LGMN: variants seen among roughly 807,000 people sequenced by gnomAD.
The protein encoded by LGMN is asparaginyl endopeptidase.
Under a neutral mutation model 56.8 loss-of-function variants are expected in LGMN, and 36 were observed. That is an observed-to-expected ratio of 0.63 (90% CI 0.49 to 0.84). The LOEUF (loss-of-function observed/expected upper bound fraction) is 0.84. Among genes scored for constraint, LGMN ranks in the 40% least tolerant of loss-of-function variants. The pLI is 0.00. For missense variants in LGMN, 446 were observed against 556.1 expected (o/e 0.80, Z 1.99); for synonymous variants, 199 against 210.1 (o/e 0.95, Z 0.46).
intron 2 of LGMN, 45 bp downstream of exon 2, chr14:92,732,604 G>T: frequency 6.3e-7 from 1 of 1,597,448 alleles, no homozygotes; most frequent in South Asian, 1.1e-5. Context: ...ATTGTTTTCA[G>T]AATGCCAGTG....
At chr14:92,728,661 A>G (rs1409829886) in intron 2 of LGMN, among the ~76,000 whole-genome samples, 1 of 152,204 alleles carries the variant, frequency 6.6e-6, no homozygotes. Context: ...TTTTAATACA[A>G]AAAAAGGAAA....
intron 11 of LGMN, among the ~76,000 whole-genome samples, chr14:92,708,248 T>C (rs185796594): frequency 1.2e-3 from 175 of 151,974 alleles, no homozygotes; most frequent in African/African-American, 3.9e-3. Context: ...GCAATAAATA[T>C]CAATAGACAT....
At chr14:92,721,203 A>C (rs1351308014) in intron 2 of LGMN, among the ~76,000 whole-genome samples, 1 of 152,214 alleles carries the variant, frequency 6.6e-6, no homozygotes, top group Non-Finnish European at 1.5e-5. Context: ...AGTGGGCCTA[A>C]TGTAATCACA....
rs775800345 is a variant in LGMN at position 92,713,840 on chromosome 14, G to A, written c.526C>T (p.His176Tyr). Reference protein sequence around the residue: ...LNETIHYMYKHKMYRKMVFYI... With the variant: ...LNETIHYMYKYKMYRKMVFYI... ...TGAATTACCTTTCGGTACATTTTGT[G>A]TTTGTACATGTAATGGATGGTCTCA... is the stretch of plus-strand genomic sequence containing the variant. Residue 176 changes from histidine to tyrosine, a missense_variant, in exon 7 of 14, where the codon CAC (histidine) becomes TAC (tyrosine). His to Tyr is a moderately conservative substitution (Grantham distance 83). Coordinates refer to ENST00000334869, the MANE Select transcript of LGMN (RefSeq NM_005606.7). The A allele has an allele frequency of 1.9e-6, 3 of 1,613,282 alleles. No homozygotes were observed. Among genetic ancestry groups the A allele is most frequent in the South Asian group, 2.2e-5 (2 of 91,068 alleles).
At chr14:92,724,128 TA>T (rs1439243771) in intron 2 of LGMN, among the ~76,000 whole-genome samples, 1 of 152,258 alleles carries the variant, frequency 6.6e-6, no homozygotes, top group African/African-American at 2.4e-5. Flanking sequence ...TGAATTAGAT[TA>T]ATTAAACTCA....
intron 12 of LGMN, among the ~76,000 whole-genome samples, chr14:92,705,610 C>T (rs942573111): frequency 6.6e-6 from 1 of 152,154 alleles, no homozygotes; most frequent in African/African-American, 2.4e-5. Context: ...GGGAACTGAG[C>T]AGGATGTGGC....
At chr14:92,730,356 A>G (rs1890988950) in intron 2 of LGMN, among the ~76,000 whole-genome samples, 1 of 152,264 alleles carries the variant, frequency 6.6e-6, no homozygotes, top group South Asian at 2.1e-4. Context: ...TCATTCCGTG[A>G]ATGTAAATAC....
chr14:92,726,115 T>C (rs1433231047), intron 2 of LGMN, among the ~76,000 whole-genome samples: 1 of 151,426 alleles, frequency 6.6e-6, no homozygotes, highest in Non-Finnish European at 1.5e-5. Context: ...CAGGTGCCTG[T>C]AATCCCAGCT....
At chr14:92,746,992 C>G (rs1300632007) in intron 1 of LGMN, among the ~76,000 whole-genome samples, 1 of 148,510 alleles carries the variant, frequency 6.7e-6, no homozygotes, top group Non-Finnish European at 1.5e-5. Flanking sequence ...GCCGAGATAG[C>G]GCCACTGCAC....
intron 2 of LGMN, among the ~76,000 whole-genome samples, chr14:92,732,240 C>T (rs759121487): frequency 6.6e-6 from 1 of 152,092 alleles, no homozygotes; most frequent in East Asian, 1.9e-4. Context: ...GAGAATTCTG[C>T]GTTATTACAG....
At chr14:92,721,063 A>G (rs1160344962) in intron 2 of LGMN, among the ~76,000 whole-genome samples, 2 of 151,658 alleles carry the variant, frequency 1.3e-5, no homozygotes, top group Non-Finnish European at 2.9e-5. Flanking sequence ...GCTAATTTCT[A>G]AAATGTTCTG....
In LGMN at chr14:92,718,826, A is replaced by G; in HGVS notation, c.157T>C (p.Tyr53His). Residue 53 changes from tyrosine (Y) to histidine (H), a missense_variant, in exon 3 of 14, where the codon TAC becomes CAC. By Grantham distance (83) the Tyr-to-His change is moderately conservative. Transcript: ENST00000334869. ...ATCCCATTGCGGTGAATGATCTGGT[A>G]GGCATGGCACGCGTCTGCCTGGGAG... ...YRHQADACHA[Y>H]QIIHRNGIPD... 1 of 1,613,210 alleles carries G rather than the reference A, an allele frequency of 6.2e-7. No individual in the cohort carries two copies. Among genetic ancestry groups the G allele is most frequent in the Non-Finnish European group, 8.5e-7 (1 of 1,179,290 alleles).
rs1320422372 is a variant in LGMN at position 92,704,368 on chromosome 14, G to A, written c.1260-7C>T. ...GTCCATGGACAATTTTATCCTGCGA[G>A]AGACAGGAAGGAGAACTTGGTGAAC... On this transcript the variant is annotated splice_region_variant and splice_polypyrimidine_tract_variant and intron_variant, in intron 13 of 13. Coordinates refer to ENST00000334869, the MANE Select transcript of LGMN (RefSeq NM_005606.7). 28 of 1,595,046 alleles carry A rather than the reference G, an allele frequency of 1.8e-5. No homozygotes were observed. Among genetic ancestry groups the A allele is most frequent in the Non-Finnish European group, 2.4e-5 (28 of 1,164,772 alleles).
chr14:92,723,313 G>C (rs1890576337), intron 2 of LGMN, among the ~76,000 whole-genome samples: 1 of 152,062 alleles, frequency 6.6e-6, no homozygotes, highest in Non-Finnish European at 1.5e-5. Flanking sequence ...CCAAAGTGCT[G>C]GGATTACAGG....
rs1232454924 is a variant in LGMN at position 92,719,363 on chromosome 14, C to A, written c.139-519G>T. Among the ~76,000 whole-genome samples, 89 of 142,644 alleles carry A rather than the reference C, an allele frequency of 6.2e-4. 2 individuals carry two copies. The highest frequency in any genetic ancestry group is 2.1e-3 in the South Asian group (10 of 4,698). The allele number at this position is 142,644 out of a possible 152,430, so 93.6% of individuals were successfully genotyped here. On this transcript the variant is annotated intron_variant, in intron 2 of 13. Coordinates refer to ENST00000334869, the MANE Select transcript of LGMN (RefSeq NM_005606.7). ...ATCACCGCCACCACCACCAACACCA[C>A]CACCACCACCAACACCGCCACCAAC...
At chr14:92,732,529 G>T in intron 2 of LGMN, 120 bp downstream of exon 2, 1 of 1,110,660 alleles carries the variant, frequency 9.0e-7, no homozygotes. Flanking sequence ...CTATGTTACA[G>T]CCAGCCTAAC....
chr14:92,704,309 A>G lies in LGMN; in HGVS notation c.*10T>C. ...GCTCACACTTGGAAAAGCTTCCAGG[A>G]GGCAGCTCTTCAGTAGTGACCAAGG... On this transcript the variant is annotated 3_prime_UTR_variant, in exon 14 of 14. Coordinates refer to ENST00000334869, the MANE Select transcript of LGMN (RefSeq NM_005606.7). The G allele has an allele frequency of 6.2e-7, 1 of 1,614,138 alleles. No individual in the cohort carries two copies. Among genetic ancestry groups the G allele is most frequent in the Non-Finnish European group, 8.5e-7 (1 of 1,179,992 alleles).
chr14:92,718,900 G>C (rs1275865386), intron 2 of LGMN, 56 bp from the exon 3 acceptor site: 1 of 1,182,026 alleles, frequency 8.5e-7, no homozygotes, highest in East Asian at 2.3e-5. Context: ...CAATTTTGGA[G>C]TTCTAAGGAG....
rs12433877 is a variant in LGMN, at chr14:92,714,834, G to T, written c.405-383C>A. On this transcript the variant is annotated intron_variant, in intron 5 of 13. Transcript: ENST00000334869. This position sits in a 1 kb window ranked among gnomAD's most constrained non-coding sequence, Gnocchi z 5.1. The stretch of plus-strand genomic sequence containing the variant: ...AAAATGACCTCAACACAGGCCTGCA[G>T]CCTCCCCCCCTCCAGGCCTCCTGTG... Among the ~76,000 whole-genome samples, 48,675 of 151,472 alleles carry T rather than the reference G, an allele frequency of 0.32. 9,144 individuals carry two copies. Among genetic ancestry groups the T allele is most frequent in the Admixed American group, 0.45 (6,836 of 15,222 alleles).
Sources: allele counts gnomAD v4.1 joint callset (sites outside exome capture counted in the v4.1 genomes callset), GRCh38; gene constraint gnomAD v4.1.1; non-coding constraint Gnocchi (gnomAD v3.1); transcripts MANE v1.5; gene names NCBI Gene and HGNC (gene_info 2026-07-23, HGNC 2026-07-21).